Variants in DACH1 observed in about 807,000 individuals in gnomAD.
DACH1 encodes dachshund homolog 1.
A neutral mutation model predicts 54.2 loss-of-function variants in DACH1; 12 were observed. That is an observed-to-expected ratio of 0.22 (90% CI 0.14 to 0.36). DACH1 has a LOEUF of 0.36. DACH1 is among the 10% of genes least tolerant of loss of function. The pLI is 1.00. For missense variants in DACH1, 805 were observed against 929.8 expected, an observed-to-expected ratio of 0.87 and a Z score of 1.75; for synonymous variants, 386 against 366.2, an observed-to-expected ratio of 1.05 and a Z score of -0.62.
intron 1 of DACH1, chr13:71,704,267 G>T: frequency 3.8e-6 from 1 of 260,102 alleles, no homozygotes; most frequent in South Asian, 5.2e-5. Context: ...CTTTGGCCAC[G>T]AATATGCAAA....
intron 6 of DACH1, among the ~76,000 whole-genome samples, chr13:71,492,758 TGTGA>T (rs1229227067): frequency 1.3e-5 from 2 of 151,806 alleles, no homozygotes; most frequent in Non-Finnish European, 2.9e-5. Context: ...TGTGTGTGTG[TGTGA>T]GTGTATGTGT....
At chr13:71,591,976 T>C (rs1873744270) in intron 3 of DACH1, among the ~76,000 whole-genome samples, 1 of 152,150 alleles carries the variant, frequency 6.6e-6, no homozygotes, top group African/African-American at 2.4e-5. Flanking sequence ...CTAGAGTTAA[T>C]TTTACCTCAC....
At chr13:71,772,529 T>C (rs1231157700) in intron 1 of DACH1, among the ~76,000 whole-genome samples, 1 of 151,728 alleles carries the variant, frequency 6.6e-6, no homozygotes, top group Non-Finnish European at 1.5e-5. Context: ...CACTTATCAT[T>C]AGCATCACTT....
At chr13:71,538,746 T>G (rs1442423129) in intron 6 of DACH1, among the ~76,000 whole-genome samples, 2 of 152,096 alleles carry the variant, frequency 1.3e-5, no homozygotes, top group Non-Finnish European at 2.9e-5. Flanking sequence ...TAAAAATGAC[T>G]GCAGTTTCAA....
At chr13:71,441,221 C>G (rs1043311650) in intron 10 of DACH1, among the ~76,000 whole-genome samples, 1 of 151,960 alleles carries the variant, frequency 6.6e-6, no homozygotes, top group African/African-American at 2.4e-5. Flanking sequence ...TAGCCTTTAC[C>G]CCTTGAAGTG....
At chr13:71,734,954 GGAT>G (rs1566466670) in intron 1 of DACH1, among the ~76,000 whole-genome samples, 1 of 134,820 alleles carries the variant, frequency 7.4e-6, no homozygotes, top group Non-Finnish European at 1.6e-5. Context: ...CACACACACA[GGAT>G]ATATATATAT....
intron 6 of DACH1, among the ~76,000 whole-genome samples, chr13:71,543,598 G>C (rs768336755): frequency 9.9e-5 from 15 of 152,044 alleles, no homozygotes; most frequent in Non-Finnish European, 1.6e-4. Context: ...TTTTCTAAGA[G>C]ATGCATAGGG....
chr13:71,603,485 A>G (rs901228430), intron 3 of DACH1, among the ~76,000 whole-genome samples: 1 of 151,998 alleles, frequency 6.6e-6, no homozygotes, highest in African/African-American at 2.4e-5. Context: ...AAATGTGTGC[A>G]TTGAGTGGCT....
chr13:71,793,519 A>G (rs575387918), intron 1 of DACH1, among the ~76,000 whole-genome samples: 1 of 152,124 alleles, frequency 6.6e-6, no homozygotes, highest in Admixed American at 6.5e-5. Flanking sequence ...CAACCCAGTG[A>G]TATCTCTCTC....
intron 3 of DACH1, among the ~76,000 whole-genome samples, chr13:71,590,875 CTTTTTTTTTTTT>C (rs71123234): frequency 1.2e-5 from 1 of 85,142 alleles, no homozygotes; most frequent in Non-Finnish European, 2.2e-5. Flanking sequence ...CTCTCTCTTT[CTTTTTTTTTTTT>C]TTTTTTTTTT....
intron 2 of DACH1, among the ~76,000 whole-genome samples, chr13:71,667,422 G>A (rs937407050): frequency 1.3e-5 from 2 of 152,168 alleles, no homozygotes; most frequent in African/African-American, 4.8e-5. Context: ...GCTAATGGGA[G>A]TGATAATGCT....
chr13:71,789,957 A>G (rs1886767412), intron 1 of DACH1, among the ~76,000 whole-genome samples: 1 of 152,170 alleles, frequency 6.6e-6, no homozygotes, highest in African/African-American at 2.4e-5. Flanking sequence ...AAAATTTGAC[A>G]TTCTCTTATT....
intron 3 of DACH1, among the ~76,000 whole-genome samples, chr13:71,608,063 A>G (rs967540891): frequency 2.0e-5 from 3 of 151,444 alleles, no homozygotes; most frequent in African/African-American, 4.9e-5. Context: ...CAATGTGTAT[A>G]TATATATATA....
chr13:71,440,774 T>G (rs900314395), intron 10 of DACH1, 82 bp from the exon 11 acceptor site: 1 of 1,124,322 alleles, frequency 8.9e-7, no homozygotes, highest in East Asian at 2.5e-5. Context: ...TAACTTGATA[T>G]AAAATTTGTA....
chr13:71,581,337 T>C (rs980120641), intron 3 of DACH1, among the ~76,000 whole-genome samples: 1 of 152,220 alleles, frequency 6.6e-6, no homozygotes, highest in East Asian at 1.9e-4. Flanking sequence ...CAATCTCAGC[T>C]CACTGCAACC....
chr13:71,500,929 C>T (rs1429948474), intron 6 of DACH1, among the ~76,000 whole-genome samples: 1 of 152,048 alleles, frequency 6.6e-6, no homozygotes, highest in Admixed American at 6.6e-5. Context: ...GTTAGAGCAT[C>T]ATAGGACCAC....
chr13:71,535,222 T>C (rs952166876), intron 6 of DACH1, among the ~76,000 whole-genome samples: 6 of 151,870 alleles, frequency 4.0e-5, no homozygotes, highest in Non-Finnish European at 8.8e-5. Flanking sequence ...TAAGGTTTGG[T>C]ATTAGAAAAA....
At chr13:71,529,938 ATACT>A (rs1323835820) in intron 6 of DACH1, among the ~76,000 whole-genome samples, 1 of 152,244 alleles carries the variant, frequency 6.6e-6, no homozygotes, top group Non-Finnish European at 1.5e-5. Flanking sequence ...ATAAAGAAAA[ATACT>A]TACATAAATA....
chr13:71,577,440 T>G (rs1269540213), intron 3 of DACH1, among the ~76,000 whole-genome samples: 1 of 152,198 alleles, frequency 6.6e-6, no homozygotes, highest in Non-Finnish European at 1.5e-5. Flanking sequence ...CAAATCCCAT[T>G]TTATAAATGA....
Sources: allele counts gnomAD v4.1 joint callset (sites outside exome capture counted in the v4.1 genomes callset), GRCh38; gene constraint gnomAD v4.1.1; transcripts MANE v1.5; gene names NCBI Gene and HGNC (gene_info 2026-07-23, HGNC 2026-07-21).